Variants in DDX60 observed in about 807,000 individuals in gnomAD.
DDX60 encodes the protein DExD/H-box helicase 60, also known as probable ATP-dependent RNA helicase DDX60.
Under a neutral mutation model 212.8 loss-of-function variants are expected in DDX60, and 165 were observed. The ratio of observed to expected loss-of-function variants is 0.78; its 90% CI spans 0.68 to 0.88. The LOEUF (loss-of-function observed/expected upper bound fraction) is 0.88. DDX60 is among the 40% of genes least tolerant of loss of function. The pLI is 0.00. For synonymous variants in DDX60, 703 were observed against 685.3 expected (o/e 1.03, Z -0.40); for missense variants, 1,905 against 2,003.9 (o/e 0.95, Z 0.94).
intron 8 of DDX60, 74 bp downstream of exon 8, chr4:168,291,674 A>G (rs1046619188): frequency 1.4e-6 from 2 of 1,389,250 alleles, no homozygotes; most frequent in Non-Finnish European, 1.9e-6. Context: ...ACATAAGAGA[A>G]TTTTGAAAGT....
Position 168,273,386 on chromosome 4 carries a change from G to A in DDX60, c.2467C>T (p.Gln823Ter). Residue 823 changes from glutamine (Q) to a stop codon, truncating the protein, a stop_gained, in exon 18 of 38, where the codon CAA becomes TAA. Transcript: ENST00000393743. LOFTEE classifies it high-confidence loss of function. ...CGATTCTGAACAGTTGCTGCCACTTGATTAACAAGGGCCTGATTGACAAAG... is the reference window on the plus strand; with the variant it reads ...CGATTCTGAACAGTTGCTGCCACTTAATTAACAAGGGCCTGATTGACAAAG... ...YVAPTKALVN[Q>*]VAATVQNRFT... 1 of 1,613,682 alleles carries A rather than the reference G, an allele frequency of 6.2e-7. No individual in the cohort carries two copies. Among genetic ancestry groups the A allele is most frequent in the Non-Finnish European group, 8.5e-7 (1 of 1,179,790 alleles).
intron 6 of DDX60, among the ~76,000 whole-genome samples, chr4:168,297,861 A>C (rs1736473861): frequency 6.6e-6 from 1 of 152,096 alleles, no homozygotes; most frequent in South Asian, 2.1e-4. Flanking sequence ...ACTGCACTCT[A>C]GCTTGGGCAA....
rs1237453023 is a variant in DDX60, at chr4:168,310,982, C to G, written c.74+16G>C. ...GAGCTATGATTTCCCGTCTTTATTA[C>G]TATAATAATACTCACTCAGCTTTTG... is the stretch of plus-strand genomic sequence containing the variant. On this transcript the variant is annotated intron_variant, in intron 3 of 37. Transcript: ENST00000393743. 6.9e-7 allele frequency: 1 copy of G among 1,447,492 alleles called. No individual in the cohort carries two copies. Among genetic ancestry groups the G allele is most frequent in the Non-Finnish European group, 9.7e-7 (1 of 1,036,104 alleles). 89.7% of individuals were successfully genotyped at this position (1,447,492 alleles called of 1,614,324 possible).
At chr4:168,298,391 T>C (rs1352443996) in intron 6 of DDX60, among the ~76,000 whole-genome samples, 1 of 152,090 alleles carries the variant, frequency 6.6e-6, no homozygotes, top group Non-Finnish European at 1.5e-5. Flanking sequence ...AATAAAGGAA[T>C]GGACATAATT....
At position 168,307,504 on chromosome 4, in the gene DDX60, C is replaced by T. The variant is rs182279659; in HGVS notation, c.264+502G>A. Among the ~76,000 whole-genome samples the T allele has an allele frequency of 8.5e-5, 13 of 152,170 alleles. No individual in the cohort carries two copies. In the East Asian group the frequency reaches 2.3e-3, roughly 27 times the overall value. On this transcript the variant is annotated intron_variant, in intron 4 of 37. Transcript: ENST00000393743. Reference sequence around the variant, plus strand: ...TGTCACCCAGGCTGAAGTGCAGTGGCGTGATCATGGCTCACTGCAGTGTCA... The same window carrying T: ...TGTCACCCAGGCTGAAGTGCAGTGGTGTGATCATGGCTCACTGCAGTGTCA...
intron 6 of DDX60, among the ~76,000 whole-genome samples, chr4:168,296,249 C>G (rs528213995): frequency 6.6e-6 from 1 of 152,070 alleles, no homozygotes; most frequent in Non-Finnish European, 1.5e-5. Context: ...AAACGTTGTA[C>G]TTCATAAATA....
At position 168,291,882 on chromosome 4, in the gene DDX60, G is replaced by T. The variant is rs771077282; in HGVS notation, c.907C>A (p.Gln303Lys). 1.1e-5 allele frequency: 17 copies of T among 1,611,342 alleles called. No individual in the cohort carries two copies. Among genetic ancestry groups the T allele is most frequent in the African/African-American group, 1.3e-5 (1 of 74,692 alleles). ...QQVNSNCLTL[Q>K]EMEDLCKLHC... Reference sequence around the variant, plus strand: ...AGTTTACACAAATCTTCCATCTCCTGCAGGGTTAAGCAATTACTGTTCACC... The same window carrying T: ...AGTTTACACAAATCTTCCATCTCCTTCAGGGTTAAGCAATTACTGTTCACC... Residue 303 changes from glutamine to lysine, a missense_variant, in exon 8 of 38, where the codon CAG becomes AAG. Transcript: ENST00000393743.
intron 1 of DDX60, among the ~76,000 whole-genome samples, chr4:168,312,704 G>A (rs1737188775): frequency 1.2e-5 from 1 of 81,540 alleles, no homozygotes. Context: ...GATTGATATA[G>A]ATAGATATAG....
chr4:168,255,953 G>C, intron 25 of DDX60, 84 bp from the exon 26 acceptor site: 1 of 1,376,226 alleles, frequency 7.3e-7, no homozygotes, highest in African/African-American at 1.5e-5. Context: ...CTATCATCCC[G>C]ACATCTGCCT....
At chr4:168,298,425 A>T (rs953151055) in intron 6 of DDX60, among the ~76,000 whole-genome samples, 2 of 152,228 alleles carry the variant, frequency 1.3e-5, no homozygotes, top group African/African-American at 4.8e-5. Context: ...GGAAACTAAA[A>T]GAGAGCAGAA....
intron 14 of DDX60, among the ~76,000 whole-genome samples, chr4:168,277,818 A>AAAAG (rs1169176107): frequency 6.7e-6 from 1 of 148,240 alleles, no homozygotes; most frequent in Admixed American, 6.7e-5. Context: ...CAAAAAAAAA[A>AAAAG]AAAGAAAAAA....
intron 28 of DDX60, 152 bp from the exon 29 acceptor site, chr4:168,248,444 T>C (rs1734097362): frequency 1.8e-6 from 1 of 543,446 alleles, no homozygotes; most frequent in East Asian, 3.2e-5. Context: ...CTCTTGCTAT[T>C]TCACAAACAC....
At chr4:168,297,250 G>A (rs7441419) in intron 6 of DDX60, among the ~76,000 whole-genome samples, 62,206 of 139,610 alleles carry the variant, frequency 0.45, 15,735 homozygotes, top group African/African-American at 0.69. Context: ...CCAAAAACAG[G>A]GCTGGAAAGA....
chr4:168,306,565 T>C lies in DDX60; in HGVS notation c.420A>G (p.Pro140=), dbSNP rs1333695655. 2 of 1,614,076 alleles carry C rather than the reference T, an allele frequency of 1.2e-6. No individual in the cohort carries two copies. The highest frequency in any genetic ancestry group is 1.7e-6 in the Non-Finnish European group (2 of 1,180,030). ...EWGSFLEESY[P]YFLIVADEGL... ...CTTCGTCTGCAACTATCAGGAAATA[T>C]GGGTAACTCTCTTCCAAGAAACTTC... Residue 140 remains proline (P), a synonymous_variant, in exon 5 of 38, where the codon CCA becomes CCG. Coordinates refer to ENST00000393743, the MANE Select transcript of DDX60 (RefSeq NM_017631.6).
At chr4:168,311,207 C>A (rs1012193151) in intron 2 of DDX60, 49 bp downstream of exon 2, 4 of 1,591,774 alleles carry the variant, frequency 2.5e-6, no homozygotes, top group Non-Finnish European at 3.4e-6. Flanking sequence ...ATGTAGTTTA[C>A]AGGGTAACAT....
intron 6 of DDX60, among the ~76,000 whole-genome samples, 184 bp from the exon 7 acceptor site, chr4:168,294,129 TA>T (rs948068541): frequency 1.4e-4 from 21 of 152,056 alleles, no homozygotes; most frequent in Admixed American, 5.9e-4. Context: ...AACTTAAAGT[TA>T]AAAAAATGAA....
intron 18 of DDX60, 99 bp downstream of exon 18, chr4:168,273,180 T>C (rs989880585): frequency 1.7e-6 from 2 of 1,210,508 alleles, no homozygotes; most frequent in African/African-American, 3.1e-5. Context: ...AAATAAATTA[T>C]TTTCACAAGC....
chr4:168,224,350 C>G lies in DDX60; in HGVS notation c.4717G>C (p.Val1573Leu). ...TGKECEDSQL[V>L]SHLMSCKEGR... ...TCCTTGCAGCTCATCAAATGAGATA[C>G]GAGTTGAGAGTCTTCACATTCTTTA... The change falls in exon 35 of 38, where the codon GTA becomes CTA. Residue 1573 changes from valine (V) to leucine (L), a missense_variant. Val to Leu is a conservative substitution (Grantham distance 32). Coordinates refer to ENST00000393743, the MANE Select transcript of DDX60 (RefSeq NM_017631.6). The G allele has an allele frequency of 1.2e-6, 2 of 1,611,786 alleles. No homozygotes were observed. The highest frequency in any genetic ancestry group is 1.7e-4 in the Middle Eastern group (1 of 6,048).
rs145382015 is a variant in DDX60, at chr4:168,275,356, C to T, written c.2293G>A (p.Asp765Asn). The change falls in exon 16 of 38, where the codon GAC becomes AAC. Residue 765 changes from aspartate (D) to asparagine (N), a missense_variant. Coordinates refer to ENST00000393743, the MANE Select transcript of DDX60 (RefSeq NM_017631.6). ...PDPRVQDFIP[D>N]TWQRELLDVV... ...ATTTGCAGTATTACCTGCCATGTGT[C>T]GGGAATAAAATCCTGGACCCTGGGA... The T allele has an allele frequency of 3.7e-6, 6 of 1,604,148 alleles. No individual in the cohort carries two copies. Among genetic ancestry groups the T allele is most frequent in the Admixed American group, 1.7e-5 (1 of 58,940 alleles).
Sources: gnomAD v4.1 joint callset for allele counts (sites outside exome capture counted in the v4.1 genomes callset) on GRCh38, gnomAD v4.1.1 for gene constraint, MANE v1.5 for transcripts, NCBI Gene and HGNC (gene_info 2026-07-23, HGNC 2026-07-21) for gene names.